IFI6: variants seen among roughly 807,000 people sequenced by gnomAD.
IFI6 encodes the protein interferon alpha inducible protein 6, also known as interferon alpha-inducible protein 6.
IFI6 carries 10 observed loss-of-function variants against 12.7 expected under a neutral mutation model. That is an observed-to-expected ratio of 0.79 (90% CI 0.49 to 1.33). The LOEUF is 1.33. Ranked by LOEUF, IFI6 falls within the 40% of genes most tolerant of loss-of-function variation. The pLI is 0.00. For synonymous variants in IFI6, 89 were observed against 86.2 expected, an observed-to-expected ratio of 1.03 and a Z score of -0.18; for missense variants, 154 against 180.4, an observed-to-expected ratio of 0.85 and a Z score of 0.84.
chr1:27,666,456 G>A lies in IFI6; in HGVS notation c.318C>T (p.Val106=), dbSNP rs990508393. ...LQSLGAGGSS[V]VIGNIGALMG... The stretch of plus-strand genomic sequence containing the variant: ...TCAGGGCACCAATATTACCTATGAC[G>A]ACGCTGCTGCCACCAGCCCCTGTAA... The change falls in exon 5 of 5, where the codon GTC becomes GTT. Residue 106 remains valine, a synonymous_variant. Coordinates refer to ENST00000361157, the MANE Select transcript of IFI6 (RefSeq NM_002038.4). The A allele has an allele frequency of 1.2e-5, 19 of 1,613,520 alleles. No homozygotes were observed. Among genetic ancestry groups the A allele is most frequent in the Middle Eastern group, 3.3e-4 (2 of 6,078 alleles).
At chr1:27,670,873 A>G (rs1273773964) in intron 1 of IFI6, among the ~76,000 whole-genome samples, 2 of 152,212 alleles carry the variant, frequency 1.3e-5, no homozygotes, top group African/African-American at 2.4e-5. Context: ...CAGTCAACTT[A>G]TTAGACAGTT....
At chr1:27,667,239 A>C (rs2090358724) in intron 4 of IFI6, among the ~76,000 whole-genome samples, 2 of 136,852 alleles carry the variant, frequency 1.5e-5, no homozygotes, top group Non-Finnish European at 3.1e-5. Context: ...CCCCGTCTCT[A>C]CAAAAAAAAA....
Position 27,668,230 on chromosome 1 carries a change from G to A in IFI6, c.294C>T (p.Ser98=), listed in dbSNP as rs1032713525. 6.4e-7 allele frequency: 1 copy of A among 1,552,190 alleles called. No individual in the cohort carries two copies. Among genetic ancestry groups the A allele is most frequent in the Non-Finnish European group, 8.7e-7 (1 of 1,155,372 alleles). Residue 98 remains serine, a synonymous_variant, in exon 4 of 5, where the codon AGC becomes AGT. Transcript: ENST00000361157. ...GGGCCCAGGCCCCGCACTCACCGAGGCTCTGCAGCGTGGCCACTAGCCCCC... is the reference window on the plus strand; with the variant it reads ...GGGCCCAGGCCCCGCACTCACCGAGACTCTGCAGCGTGGCCACTAGCCCCC... ...PAGGLVATLQ[S]LGAGGSSVVI... is the part of the protein sequence containing the mutation.
chr1:27,667,298 C>G (rs1372664009), intron 4 of IFI6, among the ~76,000 whole-genome samples: 3 of 149,598 alleles, frequency 2.0e-5, no homozygotes, highest in Admixed American at 2.0e-4. Context: ...CGCCTATAGT[C>G]CCAGCTACTT....
Position 27,668,335 on chromosome 1 carries a change from G to T in IFI6, c.189C>A (p.Gly63=). The change falls in exon 4 of 5, where the codon GGC becomes GGA. Residue 63 remains glycine (G), a synonymous_variant. Coordinates refer to ENST00000361157, the MANE Select transcript of IFI6 (RefSeq NM_002038.4). ...CCACCGAGTTGGCCGCGATGCCGGCGCCGGTGAAGCCCAGCGCGGGCAGCC... is the reference window on the plus strand; with the variant it reads ...CCACCGAGTTGGCCGCGATGCCGGCTCCGGTGAAGCCCAGCGCGGGCAGCC... ...VAGLPALGFT[G]AGIAANSVAA... is the part of the protein sequence containing the mutation. 6.4e-7 allele frequency: 1 copy of T among 1,569,614 alleles called. No homozygotes were observed. The highest frequency in any genetic ancestry group is 8.6e-7 in the Non-Finnish European group (1 of 1,158,244).
chr1:27,667,833 C>T (rs1420587287), intron 4 of IFI6, among the ~76,000 whole-genome samples: 4 of 152,098 alleles, frequency 2.6e-5, no homozygotes, highest in Admixed American at 6.5e-5. Flanking sequence ...CACTATGGGA[C>T]GCCGAGGCGG....
At chr1:27,668,120 ATTAC>A (rs2090364980) in intron 4 of IFI6, 102 bp downstream of exon 4, 8 of 1,028,946 alleles carry the variant, frequency 7.8e-6, no homozygotes, top group Admixed American at 3.5e-5. Flanking sequence ...AAACTACTTA[ATTAC>A]TTGAGTAAAT....
Position 27,668,272 on chromosome 1 carries a change from C to T in IFI6, c.252G>A (p.Gly84=). Residue 84 remains glycine (G), a synonymous_variant, in exon 4 of 5, where the codon GGG becomes GGA. Transcript: ENST00000361157. ...CTAGCCCCCCGGCGGGCACGCCGCC[C>T]CCATTCAGGATCGCAGACCAGCTCA... The part of the protein sequence containing the change: ...SLMSWSAILN[G]GGVPAGGLVA... 1.3e-6 allele frequency: 2 copies of T among 1,581,800 alleles called. No homozygotes were observed. The highest frequency in any genetic ancestry group is 1.7e-6 in the Non-Finnish European group (2 of 1,168,396).
rs752231086 is a variant in IFI6, at chr1:27,668,323, C to T, written c.201G>A (p.Ala67=). The T allele has an allele frequency of 1.3e-6, 2 of 1,572,440 alleles. No homozygotes were observed. The highest frequency in any genetic ancestry group is 1.4e-5 in the African/African-American group (1 of 73,742). The change falls in exon 4 of 5, where the codon GCG becomes GCA. Residue 67 remains alanine (A), a synonymous_variant. Transcript: ENST00000361157. The part of the protein sequence containing the change: ...PALGFTGAGI[A]ANSVAASLMS... ...TCAGCGAGGCAGCCACCGAGTTGGC[C>T]GCGATGCCGGCGCCGGTGAAGCCCA...
In IFI6 at chr1:27,669,255, C is replaced by T. The variant is rs766804992; in HGVS notation, c.60G>A (p.Gly20=). 3.2e-5 allele frequency: 49 copies of T among 1,551,898 alleles called. No homozygotes were observed. Among genetic ancestry groups the T allele is most frequent in the Non-Finnish European group, 4.1e-5 (47 of 1,147,092 alleles). ...LCYLLLFTCS[G]VEAGKKKCSE... ...TACCCGCATTCTCACCTGCCTCCAC[C>T]CCACTGCAAGTGAAGAGCAGCAGGT... The change falls in exon 2 of 5, where the codon GGG becomes GGA. Residue 20 remains glycine (G), a synonymous_variant. Coordinates refer to ENST00000361157, the MANE Select transcript of IFI6 (RefSeq NM_002038.4).
rs765052295 is a variant in IFI6 at position 27,668,328 on chromosome 1, T to TGCCGGC, written c.190_195dup (p.Ala64_Gly65dup). The TGCCGGC allele has an allele frequency of 1.3e-6, 2 of 1,571,186 alleles. No individual in the cohort carries two copies. Among genetic ancestry groups the TGCCGGC allele is most frequent in the Non-Finnish European group, 1.7e-6 (2 of 1,159,422 alleles). On this transcript the variant is annotated inframe_insertion, in exon 4 of 5. Coordinates refer to ENST00000361157, the MANE Select transcript of IFI6 (RefSeq NM_002038.4). ...GAGGCAGCCACCGAGTTGGCCGCGA[T>TGCCGGC]GCCGGCGCCGGTGAAGCCCAGCGCG...
chr1:27,669,727 A>G (rs181663171), intron 1 of IFI6: 64 of 234,614 alleles, frequency 2.7e-4, no homozygotes, highest in African/African-American at 1.4e-3. Context: ...AATAGAGTCT[A>G]TTTCAGAGGG....
chr1:27,669,194 T>TACCTGC, intron 2 of IFI6, 51 bp downstream of exon 2: 1 of 1,541,940 alleles, frequency 6.5e-7, no homozygotes, highest in Non-Finnish European at 8.8e-7. Flanking sequence ...CTTGCATCCT[T>TACCTGC]ACCTGCACCC....
chr1:27,670,086 C>G (rs2090393138), intron 1 of IFI6: 1 of 152,154 alleles, frequency 6.6e-6, no homozygotes, highest in Non-Finnish European at 1.5e-5. Flanking sequence ...TAGATAGTGG[C>G]CGATCCCACA....
intron 1 of IFI6, among the ~76,000 whole-genome samples, chr1:27,671,316 TGC>T (rs2090402256): frequency 6.6e-6 from 1 of 151,828 alleles, no homozygotes. Flanking sequence ...TTCCCAAGGC[TGC>T]CTAGCCAGGT....
At chr1:27,668,817 G>C (rs144331226) in intron 2 of IFI6, among the ~76,000 whole-genome samples, 2 of 151,998 alleles carry the variant, frequency 1.3e-5, no homozygotes, top group African/African-American at 4.8e-5. Context: ...TGGACGCCAG[G>C]GTCTCTACAG....
intron 1 of IFI6, chr1:27,670,083 T>C (rs1156788519): frequency 2.0e-5 from 3 of 152,160 alleles, no homozygotes; most frequent in Non-Finnish European, 4.4e-5. Context: ...GGGTAGATAG[T>C]GGCCGATCCC....
intron 2 of IFI6, among the ~76,000 whole-genome samples, chr1:27,668,993 CTG>C (rs1326165992): frequency 6.9e-6 from 1 of 145,368 alleles, no homozygotes; most frequent in Non-Finnish European, 1.5e-5. Flanking sequence ...ACATCCTTAC[CTG>C]CATCCTTACC....
intron 1 of IFI6, among the ~76,000 whole-genome samples, chr1:27,671,060 T>A (rs1484056792): frequency 6.6e-6 from 1 of 152,212 alleles, no homozygotes; most frequent in African/African-American, 2.4e-5. Flanking sequence ...CTATGCTCTT[T>A]CCTTTATACC....
Sources: gnomAD v4.1 joint callset for allele counts (sites outside exome capture counted in the v4.1 genomes callset) on GRCh38, gnomAD v4.1.1 for gene constraint, MANE v1.5 for transcripts, NCBI Gene and HGNC (gene_info 2026-07-23, HGNC 2026-07-21) for gene names.